SVIL: variants seen among roughly 807,000 people sequenced by gnomAD.
SVIL encodes archvillin.
In SVIL, 101 loss-of-function variants were observed where a neutral mutation model predicts 240.4. The observed-to-expected ratio is 0.42, with a 90% CI of 0.36 to 0.50. The LOEUF (loss-of-function observed/expected upper bound fraction) is 0.50. Among genes scored for constraint, SVIL ranks in the 20% least tolerant of loss-of-function variants. SVIL has a pLI of 0.01. For synonymous variants in SVIL, 999 were observed against 1,100.0 expected (o/e 0.91, Z 1.82); for missense variants, 2,512 against 2,818.7 (o/e 0.89, Z 2.46).
chr10:29,695,739 C>T (rs1244486099), intron 1 of SVIL, among the ~76,000 whole-genome samples: 1 of 151,740 alleles, frequency 6.6e-6, no homozygotes, highest in Non-Finnish European at 1.5e-5. Flanking sequence ...GCAAGACTCC[C>T]TCTCAAAAAA....
At position 29,529,695 on chromosome 10, in the gene SVIL, G is replaced by A. The variant is rs753052396; in HGVS notation, c.2246+10C>T. On this transcript the variant is annotated intron_variant, in intron 12 of 37. Transcript: ENST00000355867. ...TATAGACAAGGCTGAGAAGTCCTGT[G>A]GGCACTTACGTGGCTGCGATGACCA... is the stretch of plus-strand genomic sequence containing the variant. 6.3e-7 allele frequency: 1 copy of A among 1,593,510 alleles called. No individual in the cohort carries two copies. The highest frequency in any genetic ancestry group is 2.3e-5 in the East Asian group (1 of 44,244).
intron 1 of SVIL, among the ~76,000 whole-genome samples, chr10:29,689,825 CCA>C (rs1961367525): frequency 6.6e-6 from 1 of 152,188 alleles, no homozygotes; most frequent in Admixed American, 6.5e-5. Flanking sequence ...CTCGTACCTC[CCA>C]CAGATGTATG....
chr10:29,570,005 G>A (rs541720583), intron 1 of SVIL, among the ~76,000 whole-genome samples: 2 of 152,294 alleles, frequency 1.3e-5, no homozygotes, highest in East Asian at 1.9e-4. Context: ...TACAGCATTT[G>A]TCCACTAAGA....
At chr10:29,700,806 C>T (rs893939821) in intron 1 of SVIL, among the ~76,000 whole-genome samples, 14 of 152,072 alleles carry the variant, frequency 9.2e-5, no homozygotes, top group Non-Finnish European at 2.9e-5. Flanking sequence ...CCAGGAGTTA[C>T]CTGTGGCACC....
chr10:29,492,802 A>G (rs1396212627), intron 21 of SVIL, among the ~76,000 whole-genome samples: 2 of 152,236 alleles, frequency 1.3e-5, no homozygotes, highest in Non-Finnish European at 2.9e-5. Context: ...TATTAGTTTG[A>G]GCCCATCTCA....
intron 2 of SVIL, among the ~76,000 whole-genome samples, chr10:29,567,722 G>C (rs1172013402): frequency 6.6e-6 from 1 of 152,044 alleles, no homozygotes; most frequent in Non-Finnish European, 1.5e-5. Flanking sequence ...GGACATATTA[G>C]AGACCAAGCC....
rs761214023 is a variant in SVIL at position 29,524,490 on chromosome 10, T to C, written c.2568A>G (p.Thr856=). 114 of 1,614,058 alleles carry C rather than the reference T, an allele frequency of 7.1e-5. No homozygotes were observed. The highest frequency in any genetic ancestry group is 9.2e-5 in the Non-Finnish European group (108 of 1,180,036). Residue 856 remains threonine, a synonymous_variant, in exon 14 of 38, where the codon ACA becomes ACG. Transcript: ENST00000355867. ...MNARYQTQPV[T]LGEVEQVQSG... Reference sequence around the variant, plus strand: ...CACCCACCTGCTCCACCTCTCCCAGTGTGACTGGCTGAGTTTGATAGCGAG... The same window carrying C: ...CACCCACCTGCTCCACCTCTCCCAGCGTGACTGGCTGAGTTTGATAGCGAG...
rs547601601 is a variant in SVIL, at chr10:29,564,761, T to C, written c.-142-1469A>G. 5.9e-5 allele frequency among the ~76,000 whole-genome samples: 9 copies of C among 152,310 alleles called. No homozygotes were observed. In the East Asian group the frequency reaches 1.7e-3, roughly 29 times the overall value. On this transcript the variant is annotated intron_variant, in intron 2 of 37. Coordinates refer to ENST00000355867, the MANE Select transcript of SVIL (RefSeq NM_021738.3). ...GCAAAGCTTACATTCCATAGGTAAGTGTGTTCACATTATTTAATGAAAAGT... is the reference window on the plus strand; with the variant it reads ...GCAAAGCTTACATTCCATAGGTAAGCGTGTTCACATTATTTAATGAAAAGT...
In SVIL at chr10:29,554,977, G is replaced by A. The variant is rs778327526; in HGVS notation, c.9-43C>T. ...AGAGGCAGAGTGAGCAACAGCGATC[G>A]AATCTAAAGGAAAATGGAATACTGC... is the stretch of plus-strand genomic sequence containing the variant. On this transcript the variant is annotated intron_variant, in intron 4 of 37. Coordinates refer to ENST00000355867, the MANE Select transcript of SVIL (RefSeq NM_021738.3). 10 of 1,608,910 alleles carry A rather than the reference G, an allele frequency of 6.2e-6. No individual in the cohort carries two copies. The South Asian group carries it at 6.6e-5, about 11-fold the overall frequency.
chr10:29,464,607 A>T (rs1944668082), intron 34 of SVIL, among the ~76,000 whole-genome samples: 1 of 152,046 alleles, frequency 6.6e-6, no homozygotes, highest in African/African-American at 2.4e-5. Context: ...GCATTTCAGG[A>T]TTCTGTGAAA....
chr10:29,527,013 T>C lies in SVIL; in HGVS notation c.2290A>G (p.Met764Val). 6.2e-7 allele frequency: 1 copy of C among 1,613,458 alleles called. No homozygotes were observed. The highest frequency in any genetic ancestry group is 8.5e-7 in the Non-Finnish European group (1 of 1,179,774). The change falls in exon 13 of 38, where the codon ATG becomes GTG. Residue 764 changes from methionine to valine, a missense_variant. Met to Val is a conservative substitution (Grantham distance 21). Around this residue, in one of 3 missense-constraint regions of SVIL, gnomAD observed 1,443 missense variants for 1,486.6 expected, o/e 0.97. Coordinates refer to ENST00000355867, the MANE Select transcript of SVIL (RefSeq NM_021738.3). ...ASCSGGTHPV[M>V]ARLPSPTVAR... ...ACAGTGGGGCTAGGAAGTCTCGCCA[T>C]TACAGGGTGGGTGCCCCCAGAACAC...
In SVIL at chr10:29,499,081, G is replaced by A. The variant is rs1457876522; in HGVS notation, c.3664+35C>T. On this transcript the variant is annotated intron_variant, in intron 18 of 37. Transcript: ENST00000355867. Reference sequence around the variant, plus strand: ...AAGTGTGCTCACGTGTGTGCATTGTGCACACACCACACACATGGACACACA... The same window carrying A: ...AAGTGTGCTCACGTGTGTGCATTGTACACACACCACACACATGGACACACA... 5.6e-6 allele frequency: 9 copies of A among 1,596,892 alleles called. No individual in the cohort carries two copies. The South Asian group carries it at 8.9e-5, about 16-fold the overall frequency.
At chr10:29,674,165 T>C (rs767739369) in intron 2 of SVIL, among the ~76,000 whole-genome samples, 3 of 151,584 alleles carry the variant, frequency 2.0e-5, no homozygotes, top group African/African-American at 4.9e-5. Context: ...ACCTGATTTC[T>C]ACAAAAAAAA....
intron 34 of SVIL, among the ~76,000 whole-genome samples, chr10:29,465,338 A>G (rs985458159): frequency 4.6e-5 from 7 of 152,236 alleles, no homozygotes; most frequent in Admixed American, 3.9e-4. Flanking sequence ...GTGGTGCTCA[A>G]CCTGTTCTTA....
chr10:29,568,103 T>G (rs1191148375), intron 2 of SVIL, among the ~76,000 whole-genome samples: 1 of 151,412 alleles, frequency 6.6e-6, no homozygotes, highest in Non-Finnish European at 1.5e-5. Flanking sequence ...GAAATACGGA[T>G]GCATCCCATT....
At chr10:29,562,267 T>C (rs1954546697) in intron 3 of SVIL, among the ~76,000 whole-genome samples, 1 of 152,236 alleles carries the variant, frequency 6.6e-6, no homozygotes. Context: ...GACCAATCAA[T>C]GTTTACATCA....
intron 6 of SVIL, among the ~76,000 whole-genome samples, chr10:29,550,105 T>C (rs1263988580): frequency 6.7e-6 from 1 of 150,332 alleles, no homozygotes; most frequent in Non-Finnish European, 1.5e-5. Flanking sequence ...AACATGAGGC[T>C]TCCTGCTTTG....
chr10:29,707,598 A>G (rs1329183702), intron 1 of SVIL, among the ~76,000 whole-genome samples: 1 of 152,180 alleles, frequency 6.6e-6, no homozygotes, highest in Non-Finnish European at 1.5e-5. Flanking sequence ...TAGCAGTGGT[A>G]ATAGTGACAG....
intron 6 of SVIL, among the ~76,000 whole-genome samples, chr10:29,538,209 C>A (rs1951876461): frequency 6.6e-6 from 1 of 152,166 alleles, no homozygotes; most frequent in Admixed American, 6.5e-5. Context: ...TCGAACATGA[C>A]CTTAACTGAC....
Sources: gnomAD v4.1 joint callset for allele counts (sites outside exome capture counted in the v4.1 genomes callset) on GRCh38, gnomAD v4.1.1 for gene constraint, gnomAD v4.1.1 regional missense constraint, MANE v1.5 for transcripts, NCBI Gene and HGNC (gene_info 2026-07-23, HGNC 2026-07-21) for gene names.